The following SEMA4D variants were observed in gnomAD, a reference collection of about 807,000 sequenced individuals.
SEMA4D encodes semaphorin-4D.
A neutral mutation model predicts 74.8 loss-of-function variants in SEMA4D; 22 were observed. The observed-to-expected ratio is 0.29, with a 90% confidence interval of 0.21 to 0.42. The LOEUF (loss-of-function observed/expected upper bound fraction) is 0.42, where lower values mean the gene tolerates loss of function less well. Ranked by LOEUF, SEMA4D falls within the 10% of genes least tolerant of loss-of-function variation. The pLI, the probability that SEMA4D is intolerant of heterozygous loss-of-function variation, is 1.00. For synonymous variants in SEMA4D, 445 were observed against 463.7 expected (o/e 0.96, Z 0.52); for missense variants, 937 against 1,118.4 (o/e 0.84, Z 2.31).
chr9:89,405,942 A>G (rs757856402), intron 2 of SEMA4D: 1 of 1,161,814 alleles, frequency 8.6e-7, no homozygotes, highest in Non-Finnish European at 1.1e-6. Flanking sequence ...AGAACACAGG[A>G]CAGACACATG....
rs762382336 is a variant in SEMA4D at position 89,381,037 on chromosome 9, C to T, written c.1663+18G>A. ...CTCGCCACTCCCAAAGGAAATGGGA[C>T]GTCGAGGAGTCACTCACCCGGGCAC... On this transcript the variant is annotated intron_variant, in intron 15 of 15. Coordinates refer to ENST00000422704, the MANE Select transcript of SEMA4D (RefSeq NM_001371194.2). This position sits in a 1 kb window ranked among gnomAD's most constrained non-coding sequence, Gnocchi z 4.6. 6.8e-6 allele frequency: 11 copies of T among 1,613,886 alleles called. No individual in the cohort carries two copies. Among genetic ancestry groups the T allele is most frequent in the Non-Finnish European group, 8.5e-6 (10 of 1,179,960 alleles).
At chr9:89,458,076 T>C (rs1389284202) in intron 1 of SEMA4D, among the ~76,000 whole-genome samples, 4 of 151,726 alleles carry the variant, frequency 2.6e-5, no homozygotes, top group Non-Finnish European at 5.9e-5. Context: ...CCTGAGGAGG[T>C]GACCTTGTGT....
chr9:89,428,249 A>G (rs1404040472), intron 2 of SEMA4D, among the ~76,000 whole-genome samples: 1 of 152,156 alleles, frequency 6.6e-6, no homozygotes, highest in Non-Finnish European at 1.5e-5. Context: ...ACCACTGGCC[A>G]CCAGCTCCAG....
At chr9:89,387,157 T>C in intron 12 of SEMA4D, 1 of 508,518 alleles carries the variant, frequency 2.0e-6, no homozygotes, top group Non-Finnish European at 3.5e-6. Flanking sequence ...GGCCAGGACT[T>C]GCATTTTTAT....
intron 1 of SEMA4D, among the ~76,000 whole-genome samples, chr9:89,462,972 AG>A (rs145916343): frequency 0.02 from 1,602 of 81,862 alleles, 198 homozygotes; most frequent in Non-Finnish European, 0.026. Context: ...GAGCGAGGGG[AG>A]GGGAGCGAGG....
chr9:89,413,813 T>C (rs1310074105), intron 2 of SEMA4D, among the ~76,000 whole-genome samples: 4 of 152,268 alleles, frequency 2.6e-5, no homozygotes. Context: ...CATGTATGTG[T>C]GCACAGCTAT....
At chr9:89,431,574 T>G (rs1849286132) in intron 2 of SEMA4D, among the ~76,000 whole-genome samples, 1 of 152,254 alleles carries the variant, frequency 6.6e-6, no homozygotes, top group Admixed American at 6.5e-5. Context: ...CATAGCTCAC[T>G]GCAGCCTTGA....
At chr9:89,389,822 A>G (rs1185536558) in intron 9 of SEMA4D, among the ~76,000 whole-genome samples, 1 of 152,092 alleles carries the variant, frequency 6.6e-6, no homozygotes, top group Non-Finnish European at 1.5e-5. Context: ...AAAGGACTTC[A>G]TTTTCCTCCT....
At chr9:89,467,083 G>A (rs994917702) in intron 1 of SEMA4D, among the ~76,000 whole-genome samples, 1 of 152,218 alleles carries the variant, frequency 6.6e-6, no homozygotes, top group African/African-American at 2.4e-5. Flanking sequence ...CCCCCTTGTT[G>A]TTCAGGCTGA....
Position 89,476,768 on chromosome 9 carries a change from C to T in SEMA4D, c.-309-20815G>A, listed in dbSNP as rs117219454. On this transcript the variant is annotated intron_variant, in intron 1 of 15. Transcript: ENST00000422704. ...AATCAGGGACATGGCAAAGGTATCA[C>T]GCCAGGCTCCAGAGATGCCTCCAAT... Among the ~76,000 whole-genome samples, 38 of 152,328 alleles carry T rather than the reference C, an allele frequency of 2.5e-4. 1 individual carries two copies. In the East Asian group the frequency reaches 6.7e-3, roughly 27 times the overall value.
chr9:89,439,676 G>A (rs1250183213), intron 2 of SEMA4D, among the ~76,000 whole-genome samples: 3 of 152,176 alleles, frequency 2.0e-5, no homozygotes, highest in Admixed American at 6.5e-5. Flanking sequence ...CAGCTCAGCC[G>A]GCGGCTGACT....
chr9:89,428,170 G>A (rs1005960496), intron 2 of SEMA4D, among the ~76,000 whole-genome samples: 2 of 152,084 alleles, frequency 1.3e-5, no homozygotes, highest in African/African-American at 2.4e-5. Flanking sequence ...GGAGGGATAC[G>A]GCCCCCACAC....
At chr9:89,377,173 C>G, downstream of SEMA4D, 1 of 1,408,126 alleles carries the variant, frequency 7.1e-7, no homozygotes, top group Non-Finnish European at 9.3e-7. Flanking sequence ...CCCAGCTGTC[C>G]CGCCTGGGCC....
At chr9:89,380,671 G>A (rs992935040) in intron 15 of SEMA4D, among the ~76,000 whole-genome samples, 1 of 152,130 alleles carries the variant, frequency 6.6e-6, no homozygotes, top group Non-Finnish European at 1.5e-5. Flanking sequence ...ACAGGCGGGT[G>A]AATCCCAGGT....
At chr9:89,405,762 T>C (rs1256416134) in intron 2 of SEMA4D, 63 bp from the exon 3 acceptor site, 3 of 1,334,596 alleles carry the variant, frequency 2.2e-6, no homozygotes, top group African/African-American at 1.5e-5. Flanking sequence ...TTCTCACTGC[T>C]CTGTAGCCCC....
chr9:89,470,654 A>C (rs915394826), intron 1 of SEMA4D, among the ~76,000 whole-genome samples: 1 of 152,214 alleles, frequency 6.6e-6, no homozygotes, highest in African/African-American at 2.4e-5. Flanking sequence ...TTCATAGAAA[A>C]GCTCATACAC....
At chr9:89,389,970 C>T (rs1839446485) in intron 9 of SEMA4D, among the ~76,000 whole-genome samples, 1 of 152,076 alleles carries the variant, frequency 6.6e-6, no homozygotes, top group Non-Finnish European at 1.5e-5. Context: ...GCTCAAACCA[C>T]CCTAGTCCAG....
chr9:89,493,197 T>C (rs146129917), intron 1 of SEMA4D, among the ~76,000 whole-genome samples: 119 of 152,324 alleles, frequency 7.8e-4, no homozygotes, highest in African/African-American at 2.8e-3. Context: ...GTGCCAGCAC[T>C]GTGACCTGCC....
At chr9:89,468,778 C>T (rs375977029) in intron 1 of SEMA4D, among the ~76,000 whole-genome samples, 181 of 152,262 alleles carry the variant, frequency 1.2e-3, no homozygotes, top group African/African-American at 4.0e-3. Flanking sequence ...TTGTGTAATG[C>T]TCGGGGGCAG....
Sources: gnomAD v4.1 joint callset for allele counts (sites outside exome capture counted in the v4.1 genomes callset) on GRCh38, gnomAD v4.1.1 for gene constraint, Gnocchi (gnomAD v3.1) non-coding constraint, MANE v1.5 for transcripts, NCBI Gene and HGNC (gene_info 2026-07-23, HGNC 2026-07-21) for gene names.